The following TNK2 variants were observed in gnomAD, a reference collection of about 807,000 sequenced individuals.
TNK2 encodes the protein tyrosine kinase non receptor 2, also known as activated CDC42 kinase 1.
Under a neutral mutation model 101.8 loss-of-function variants are expected in TNK2, and 83 were observed. That is an observed-to-expected ratio of 0.82 (90% CI 0.68 to 0.98). TNK2 has a LOEUF of 0.98. Among genes scored for constraint, TNK2 ranks in the 50% least tolerant of loss-of-function variants. The pLI is 0.00. For missense variants in TNK2, 1,665 were observed against 1,483.2 expected, an observed-to-expected ratio of 1.12 and a Z score of -2.01; for synonymous variants, 804 against 633.0, an observed-to-expected ratio of 1.27 and a Z score of -4.06.
intron 10 of TNK2, 104 bp from the exon 11 acceptor site, chr3:195,870,309 G>T: frequency 6.5e-7 from 1 of 1,549,606 alleles, no homozygotes; most frequent in South Asian, 1.1e-5. Context: ...GTGTAGTCTT[G>T]GGTCTGAAGC....
rs1185852832 is a variant in TNK2, at chr3:195,868,773, G to A, written c.1589-64C>T. 8 of 1,469,584 alleles carry A rather than the reference G, an allele frequency of 5.4e-6. No homozygotes were observed. In the African/African-American group the frequency reaches 5.9e-5, roughly 11 times the overall value. 91.0% of individuals were successfully genotyped at this position (1,469,584 alleles called of 1,614,324 possible). ...GGCAGGGTCTGGGACACGAGGGGAG[G>A]TGGCACGTGGGAGAGAAAGCCAAGT... On this transcript the variant is annotated intron_variant, in intron 12 of 15. Coordinates refer to ENST00000672887, the MANE Select transcript of TNK2 (RefSeq NM_001382273.1).
rs1577090656 is a variant in TNK2 at position 195,888,328 on chromosome 3, G to A, written c.163+98C>T. ...CCCTCCTGCTCCCTCAGGGCTCTGG[G>A]ACAGAGTTCTCAGCTGCCACCCGTG... On this transcript the variant is annotated intron_variant, in intron 2 of 15. Coordinates refer to ENST00000672887, the MANE Select transcript of TNK2 (RefSeq NM_001382273.1). This position sits in a 1 kb window ranked among gnomAD's most constrained non-coding sequence, Gnocchi z 5.3. 3 of 1,349,604 alleles carry A rather than the reference G, an allele frequency of 2.2e-6. No homozygotes were observed. Among genetic ancestry groups the A allele is most frequent in the South Asian group, 1.3e-5 (1 of 75,430 alleles). 83.6% of individuals were successfully genotyped at this position (1,349,604 alleles called of 1,614,324 possible).
At chr3:195,898,243 C>T (rs748617814) in intron 1 of TNK2, among the ~76,000 whole-genome samples, 15 of 152,142 alleles carry the variant, frequency 9.9e-5, no homozygotes, top group Non-Finnish European at 1.8e-4. Flanking sequence ...CTGCTTCAAC[C>T]GCCTCAGACT....
intron 12 of TNK2, chr3:195,869,279 C>G (rs532084716): frequency 1.5e-5 from 9 of 612,174 alleles, no homozygotes; most frequent in Non-Finnish European, 2.6e-5. Context: ...GAGGCCGAGG[C>G]GGAAGCCAGG....
Position 195,888,629 on chromosome 3 carries a change from G to A in TNK2, c.-18-23C>T, listed in dbSNP as rs1757132740. 2 of 1,595,136 alleles carry A rather than the reference G, an allele frequency of 1.3e-6. No homozygotes were observed. The highest frequency in any genetic ancestry group is 2.2e-5 in the South Asian group (2 of 89,594). The stretch of plus-strand genomic sequence containing the variant: ...CCTCTGTGGGGGGAGGAGTGGCTCA[G>A]GGACAAGGGTTGTGGGGGGACAACA... On this transcript the variant is annotated intron_variant, in intron 1 of 15. Coordinates refer to ENST00000672887, the MANE Select transcript of TNK2 (RefSeq NM_001382273.1). This position sits in a 1 kb window ranked among gnomAD's most constrained non-coding sequence, Gnocchi z 5.3.
chr3:195,889,952 C>G (rs982120414), intron 1 of TNK2, among the ~76,000 whole-genome samples: 4 of 152,196 alleles, frequency 2.6e-5, no homozygotes, highest in African/African-American at 9.7e-5. Flanking sequence ...CAGCTCCCAT[C>G]ACAGTGAGCA....
At chr3:195,894,701 C>T (rs1759918639) in intron 1 of TNK2, 1 of 152,628 alleles carries the variant, frequency 6.6e-6, no homozygotes, top group African/African-American at 2.4e-5. Flanking sequence ...GCCCGGCCCC[C>T]TTTCTCCTCG....
At chr3:195,895,653 C>G in intron 1 of TNK2, 3 of 1,247,944 alleles carry the variant, frequency 2.4e-6, no homozygotes, top group South Asian at 2.6e-5. Flanking sequence ...TCGCCGGCCG[C>G]GGAACCGGGC....
rs1381976093 is a variant in TNK2, at chr3:195,882,260, C to CA, written c.677dup (p.Thr228AspfsTer11). ...GCACAGCGTAGCGGCTCAGAGTCCC[C>CA]AGGAGGAAGTGGCCCTGGTGCTTAC... On this transcript the variant is annotated frameshift_variant, in exon 6 of 16. Transcript: ENST00000672887. LOFTEE classifies it high-confidence loss of function. This position sits in a 1 kb window ranked among gnomAD's most constrained non-coding sequence, Gnocchi z 4.2. 1 of 1,613,692 alleles carries CA rather than the reference C, an allele frequency of 6.2e-7. No individual in the cohort carries two copies. The highest frequency in any genetic ancestry group is 8.5e-7 in the Non-Finnish European group (1 of 1,180,016).
In TNK2 at chr3:195,870,145, G is replaced by T. The variant is rs1210829018; in HGVS notation, c.1512C>A (p.Ser504=). ...CCCCTCCTAGATGCTGGGGGGGCCG[G>T]GAGGTGCTCAGTTCCACGCTCAGGA... is the stretch of plus-strand genomic sequence containing the variant. ...PDLLSVELST[S]RPPQHLGGVK... Residue 504 remains serine, a synonymous_variant, in exon 11 of 16, where the codon TCC becomes TCA. Transcript: ENST00000672887. The T allele has an allele frequency of 6.7e-7, 1 of 1,484,990 alleles. No individual in the cohort carries two copies. Among genetic ancestry groups the T allele is most frequent in the African/African-American group, 1.4e-5 (1 of 71,460 alleles). The allele number at this position is 1,484,990 out of a possible 1,614,324, so 92.0% of individuals were successfully genotyped here.
chr3:195,892,613 G>A (rs1364275833), intron 1 of TNK2: 3 of 1,454,282 alleles, frequency 2.1e-6, no homozygotes, highest in Non-Finnish European at 2.7e-6. Flanking sequence ...GAAGAACGGG[G>A]TGGGCCCCTC....
rs745340302 is a variant in TNK2 at position 195,886,979 on chromosome 3, T to C, written c.232A>G (p.Lys78Glu). ...TCCTCACCCACCTCCTCACCCACCT[T>C]ACTCATCCACGACTTGCGTTTGCAC... ...ALCKRKSWMS[K>E]VFSGKRLEAE... Residue 78 changes from lysine to glutamate, a missense_variant and splice_region_variant, in exon 3 of 16, where the codon AAG becomes GAG. Coordinates refer to ENST00000672887, the MANE Select transcript of TNK2 (RefSeq NM_001382273.1). The surrounding 1 kb of genome is among the most constrained non-coding windows in gnomAD (Gnocchi z 4.2). The C allele has an allele frequency of 1.2e-6, 2 of 1,613,256 alleles. No individual in the cohort carries two copies. Among genetic ancestry groups the C allele is most frequent in the South Asian group, 1.1e-5 (1 of 91,066 alleles).
At chr3:195,874,342 G>A (rs1054791581) in intron 9 of TNK2, among the ~76,000 whole-genome samples, 5 of 152,238 alleles carry the variant, frequency 3.3e-5, no homozygotes, top group African/African-American at 9.6e-5. Context: ...TTCTGAGAGG[G>A]AAAGGAGACA....
At chr3:195,897,014 G>C (rs371342644) in intron 1 of TNK2, among the ~76,000 whole-genome samples, 1 of 151,240 alleles carries the variant, frequency 6.6e-6, no homozygotes, top group South Asian at 2.1e-4. Context: ...CTCCCAGCCC[G>C]CCCTCTCCCA....
Position 195,878,916 on chromosome 3 carries a change from G to A in TNK2, c.1014+133C>T. 2.9e-6 allele frequency: 4 copies of A among 1,399,994 alleles called. No homozygotes were observed. The highest frequency in any genetic ancestry group is 1.9e-5 in the Admixed American group (1 of 53,560). 86.7% of individuals were successfully genotyped at this position (1,399,994 alleles called of 1,614,324 possible). A position where few individuals can be genotyped will look rare whatever the true frequency, so the allele number is the denominator to read the frequency against. On this transcript the variant is annotated intron_variant, in intron 7 of 15. Coordinates refer to ENST00000672887, the MANE Select transcript of TNK2 (RefSeq NM_001382273.1). The surrounding 1 kb of genome is among the most constrained non-coding windows in gnomAD (Gnocchi z 4.7). ...GACACGGGGCGTGGTGGGAGGCACG[G>A]GAAGTGGGGGGAGGCACGGGGCGTG...
In TNK2 at chr3:195,872,291, G is replaced by C; in HGVS notation, c.1436C>G (p.Pro479Arg). 2 of 1,613,420 alleles carry C rather than the reference G, an allele frequency of 1.2e-6. No homozygotes were observed. The highest frequency in any genetic ancestry group is 1.7e-6 in the Non-Finnish European group (2 of 1,179,926). Residue 479 changes from proline to arginine, a missense_variant, in exon 10 of 16, where the codon CCG (proline) becomes CGG (arginine). By Grantham distance (103) the Pro-to-Arg change is moderately radical. Coordinates refer to ENST00000672887, the MANE Select transcript of TNK2 (RefSeq NM_001382273.1). Reference sequence around the variant, plus strand: ...CAGTACTCACTCGTCAATCCTGTCCGGGAAGCCCCAGCAGTGGCGGGGGTC... The same window carrying C: ...CAGTACTCACTCGTCAATCCTGTCCCGGAAGCCCCAGCAGTGGCGGGGGTC... ...DSDPRHCWGFPDRIDELYLGN... is the reference protein window; with the variant it reads ...DSDPRHCWGFRDRIDELYLGN...
chr3:195,870,359 C>A, intron 10 of TNK2, 154 bp from the exon 11 acceptor site: 1 of 1,497,632 alleles, frequency 6.7e-7, no homozygotes, highest in Non-Finnish European at 8.9e-7. Flanking sequence ...CCTGACCGCA[C>A]GTCTCAGCTG....
At chr3:195,869,647 A>C in intron 11 of TNK2, 106 bp from the exon 12 acceptor site, 1 of 1,159,908 alleles carries the variant, frequency 8.6e-7, no homozygotes, top group Non-Finnish European at 1.3e-6. Flanking sequence ...ACGAAGGGAG[A>C]GAAGTGAATG....
At chr3:195,874,580 C>CCGAGGCACAAGAAGCT (rs1747876936) in intron 9 of TNK2, among the ~76,000 whole-genome samples, 1 of 108,822 alleles carries the variant, frequency 9.2e-6, no homozygotes, top group African/African-American at 3.9e-5. Flanking sequence ...ACAAGAAGCT[C>CCGAGGCACAAGAAGCT]CCCCTCGGGA....
Sources: gnomAD v4.1 joint callset for allele counts (sites outside exome capture counted in the v4.1 genomes callset) on GRCh38, gnomAD v4.1.1 for gene constraint, Gnocchi (gnomAD v3.1) non-coding constraint, MANE v1.5 for transcripts, NCBI Gene and HGNC (gene_info 2026-07-23, HGNC 2026-07-21) for gene names.